Variants in DNAJC10 observed in about 807,000 individuals in gnomAD.
DNAJC10 encodes the protein endoplasmic reticulum disulfide reductase DNAJC10.
Under a neutral mutation model 115.0 loss-of-function variants are expected in DNAJC10, and 101 were observed. The ratio of observed to expected loss-of-function variants is 0.88; its 90% CI spans 0.75 to 1.04. The LOEUF (loss-of-function observed/expected upper bound fraction) is 1.04. Among genes scored for constraint, DNAJC10 ranks in the 50% least tolerant of loss-of-function variants. The probability of loss-of-function intolerance (pLI) is 0.00; values close to 1 mark genes in which losing one functional copy is unlikely to be tolerated. For missense variants in DNAJC10, 981 were observed against 928.8 expected (o/e 1.06, Z -0.73); for synonymous variants, 307 against 301.5 (o/e 1.02, Z -0.19).
chr2:182,753,760 T>C lies in DNAJC10; in HGVS notation c.1552-1243T>C, dbSNP rs2105672550. On this transcript the variant is annotated intron_variant, in intron 16 of 23. Coordinates refer to ENST00000264065, the MANE Select transcript of DNAJC10 (RefSeq NM_018981.4). Reference sequence around the variant, plus strand: ...ACCACGTCCGGCTAACTTTTTGTATTTTTAGTAGAGATGGGGTTTTACAGT... The same window carrying C: ...ACCACGTCCGGCTAACTTTTTGTATCTTTAGTAGAGATGGGGTTTTACAGT... Among the ~76,000 whole-genome samples the C allele has an allele frequency of 1.3e-5, 2 of 152,024 alleles. 1 individual carries two copies. Among genetic ancestry groups the C allele is most frequent in the South Asian group, 4.2e-4 (2 of 4,812 alleles).
rs1695038865 is a variant in DNAJC10, at chr2:182,790,940, TTC to T, written c.*13812_*13813del. 1 of 152,176 alleles carries T rather than the reference TTC, an allele frequency of 6.6e-6. No homozygotes were observed. Among genetic ancestry groups the T allele is most frequent in the South Asian group, 2.1e-4 (1 of 4,826 alleles). The allele number at this position is 152,176 out of a possible 1,614,324, so 9.4% of individuals were successfully genotyped here. ...CTCTTATTTCTTCCAAGTAACCATA[TTC>T]TCTTTTACCCTCCTGTTCAACTGTC... On this transcript the variant is annotated 3_prime_UTR_variant, in exon 24 of 24. Coordinates refer to ENST00000264065, the MANE Select transcript of DNAJC10 (RefSeq NM_018981.4).
intron 21 of DNAJC10, among the ~76,000 whole-genome samples, chr2:182,761,462 C>T (rs999070658): frequency 6.6e-6 from 1 of 152,136 alleles, no homozygotes; most frequent in African/African-American, 2.4e-5. Context: ...AAACCCCTGC[C>T]TTGGGGACGA....
rs546316665 is a variant in DNAJC10 at position 182,788,958 on chromosome 2, C to A, written c.*11826C>A. On this transcript the variant is annotated 3_prime_UTR_variant, in exon 24 of 24. Coordinates refer to ENST00000264065, the MANE Select transcript of DNAJC10 (RefSeq NM_018981.4). The stretch of plus-strand genomic sequence containing the variant: ...AAATTTATTAATCATTTTAAAGTAG[C>A]ATACAGTTCAGTAGTGTTAAGTAAT... 50 of 380,944 alleles carry A rather than the reference C, an allele frequency of 1.3e-4. No homozygotes were observed. Among genetic ancestry groups the A allele is most frequent in the South Asian group, 6.5e-4 (31 of 47,872 alleles). The allele number at this position is 380,944 out of a possible 1,614,324, so 23.6% of individuals were successfully genotyped here. A position where few individuals can be genotyped will look rare whatever the true frequency, so the allele number is the denominator to read the frequency against.
intron 21 of DNAJC10, among the ~76,000 whole-genome samples, chr2:182,761,862 A>C (rs922772070): frequency 6.6e-6 from 1 of 152,072 alleles, no homozygotes; most frequent in Non-Finnish European, 1.5e-5. Context: ...CTCTGATTGG[A>C]TATTATAACT....
At chr2:182,771,918 T>C (rs1358463723) in intron 22 of DNAJC10, among the ~76,000 whole-genome samples, 1 of 152,234 alleles carries the variant, frequency 6.6e-6, no homozygotes, top group Non-Finnish European at 1.5e-5. Flanking sequence ...TGTTAGGGTG[T>C]CAATTTTAGA....
intron 11 of DNAJC10, 55 bp from the exon 12 acceptor site, chr2:182,740,244 T>A: frequency 8.1e-7 from 1 of 1,231,004 alleles, no homozygotes; most frequent in Non-Finnish European, 1.1e-6. Context: ...ACAAAAGATA[T>A]CAAATATAAT....
rs1399966012 is a variant in DNAJC10 at position 182,786,006 on chromosome 2, G to A, written c.*8874G>A. ...GGGGAGATAATAATCCAGGGACTTT[G>A]GGTAGTTGTTAAATGGATGGCTGTA... On this transcript the variant is annotated 3_prime_UTR_variant, in exon 24 of 24. Transcript: ENST00000264065. The A allele has an allele frequency of 6.6e-6, 1 of 152,126 alleles. No individual in the cohort carries two copies. Among genetic ancestry groups the A allele is most frequent in the East Asian group, 1.9e-4 (1 of 5,198 alleles). 9.4% of individuals were successfully genotyped at this position (152,126 alleles called of 1,614,324 possible). A position where few individuals can be genotyped will look rare whatever the true frequency, so the allele number is the denominator to read the frequency against.
intron 5 of DNAJC10, among the ~76,000 whole-genome samples, chr2:182,723,788 A>G (rs2105611175): frequency 6.6e-6 from 1 of 152,334 alleles, no homozygotes; most frequent in South Asian, 2.1e-4. Flanking sequence ...ACACTTTTTC[A>G]GATGTGTCAC....
rs1393004780 is a variant in DNAJC10, at chr2:182,779,367, G to A, written c.*2235G>A. On this transcript the variant is annotated 3_prime_UTR_variant, in exon 24 of 24. Transcript: ENST00000264065. ...AGCAACACCATTTTTGTGTGCAGCT[G>A]ACCCTCTAACATGGTATCAATTCTA... is the stretch of plus-strand genomic sequence containing the variant. 1 of 152,166 alleles carries A rather than the reference G, an allele frequency of 6.6e-6. No homozygotes were observed. The highest frequency in any genetic ancestry group is 1.5e-5 in the Non-Finnish European group (1 of 68,040). The allele number at this position is 152,166 out of a possible 1,614,324, so 9.4% of individuals were successfully genotyped here.
intron 18 of DNAJC10, 148 bp from the exon 19 acceptor site, chr2:182,757,544 T>C (rs986939588): frequency 9.9e-6 from 5 of 505,754 alleles, no homozygotes; most frequent in African/African-American, 2.0e-5. Flanking sequence ...AAATGGTCTA[T>C]TATATGTTAA....
chr2:182,741,929 C>CT (rs543585271), intron 13 of DNAJC10, among the ~76,000 whole-genome samples: 1,615 of 147,192 alleles, frequency 0.011, 8 homozygotes, highest in South Asian at 0.034. Flanking sequence ...TCACTGTATG[C>CT]TTTTTTTTTT....
rs532825542 is a variant in DNAJC10, at chr2:182,739,873, C to T, written c.988-426C>T. On this transcript the variant is annotated intron_variant, in intron 11 of 23. Coordinates refer to ENST00000264065, the MANE Select transcript of DNAJC10 (RefSeq NM_018981.4). The stretch of plus-strand genomic sequence containing the variant: ...GTGTCTTTGATAGTCTATTATTCTT[C>T]CTTCTAGTGTTATAAAAATTCTTAA... 1.3e-4 allele frequency: 126 copies of T among 985,698 alleles called. 1 individual carries two copies. In the African/African-American group the frequency reaches 2.1e-3, roughly 17 times the overall value. The allele number at this position is 985,698 out of a possible 1,614,324, so 61.1% of individuals were successfully genotyped here.
rs969723632 is a variant in DNAJC10, at chr2:182,751,782, C to T, written c.1431C>T (p.Ala477=). 6.2e-7 allele frequency: 1 copy of T among 1,611,550 alleles called. No individual in the cohort carries two copies. The change falls in exon 15 of 24, where the codon GCC becomes GCT. Residue 477 remains alanine, a synonymous_variant. Transcript: ENST00000264065. ...AACCATGGCTTGTTGATTTCTTTGC[C>T]CCCGTAAGTTATTTTTATCTGTCAG... ...DKEPWLVDFF[A]PWCPPCRALL... is the part of the protein sequence containing the mutation.
In DNAJC10 at chr2:182,754,469, C is replaced by T. The variant is rs116114603; in HGVS notation, c.1552-534C>T. Among the ~76,000 whole-genome samples the T allele has an allele frequency of 8.7e-3, 1,325 of 152,230 alleles. 14 individuals are homozygous for T. Among genetic ancestry groups the T allele is most frequent in the African/African-American group, 0.031 (1,278 of 41,556 alleles). On this transcript the variant is annotated intron_variant, in intron 16 of 23. Coordinates refer to ENST00000264065, the MANE Select transcript of DNAJC10 (RefSeq NM_018981.4). ...TGAGAAGGAAATTAAGCATTTCCTA[C>T]TATAAAGGCTATCTTGAAGAAGAAT...
At chr2:182,730,154 G>C (rs1198629285) in intron 8 of DNAJC10, among the ~76,000 whole-genome samples, 1 of 152,092 alleles carries the variant, frequency 6.6e-6, no homozygotes, top group Non-Finnish European at 1.5e-5. Flanking sequence ...TCGAGATATG[G>C]GAAATGGATA....
At position 182,787,227 on chromosome 2, in the gene DNAJC10, GA is replaced by G. The variant is rs1196627239; in HGVS notation, c.*10098del. Reference sequence around the variant, plus strand: ...AGTCATAGGCGTTAAACTTCTTTTGGAAACTATACTGGCTTGACAGTCTCCC... The same window carrying G: ...AGTCATAGGCGTTAAACTTCTTTTGGAACTATACTGGCTTGACAGTCTCCC... On this transcript the variant is annotated 3_prime_UTR_variant, in exon 24 of 24. Transcript: ENST00000264065. 4 of 152,240 alleles carry G rather than the reference GA, an allele frequency of 2.6e-5. No individual in the cohort carries two copies. The highest frequency in any genetic ancestry group is 9.6e-5 in the African/African-American group (4 of 41,544). 9.4% of individuals were successfully genotyped at this position (152,240 alleles called of 1,614,324 possible).
Position 182,757,798 on chromosome 2 carries a change from CA to C in DNAJC10, c.1920del (p.Lys640AsnfsTer21). 1.3e-6 allele frequency: 2 copies of C among 1,534,102 alleles called. No homozygotes were observed. Among genetic ancestry groups the C allele is most frequent in the South Asian group, 1.2e-5 (1 of 86,858 alleles). ...QRYPEIRFFP[P>X]KSNKAYHYHS... ...TACCCTGAGATAAGATTTTTTCCCC[CA>C]AAATCAAATAAAGCTTATCATTATC... On this transcript the variant is annotated frameshift_variant, in exon 19 of 24. Coordinates refer to ENST00000264065, the MANE Select transcript of DNAJC10 (RefSeq NM_018981.4). LOFTEE classifies it high-confidence loss of function.
At chr2:182,742,877 C>G (rs887177468) in intron 13 of DNAJC10, among the ~76,000 whole-genome samples, 1 of 149,752 alleles carries the variant, frequency 6.7e-6, no homozygotes, top group Admixed American at 6.7e-5. Context: ...AGTGTAGTGT[C>G]ACTCTGTCAG....
intron 22 of DNAJC10, among the ~76,000 whole-genome samples, chr2:182,772,311 G>A (rs1312310893): frequency 1.3e-5 from 2 of 152,202 alleles, no homozygotes; most frequent in East Asian, 3.8e-4. Context: ...TTGGGGTGGA[G>A]AGTTCTGTGG....
Sources: allele counts gnomAD v4.1 joint callset (sites outside exome capture counted in the v4.1 genomes callset), GRCh38; gene constraint gnomAD v4.1.1; transcripts MANE v1.5; gene names NCBI Gene and HGNC (gene_info 2026-07-23, HGNC 2026-07-21).